Variants in KCTD16 observed in about 807,000 individuals in gnomAD.
KCTD16 encodes the protein BTB/POZ domain-containing protein KCTD16.
KCTD16 carries 13 observed loss-of-function variants against 33.2 expected under a neutral mutation model. The ratio of observed to expected loss-of-function variants is 0.39; its 90% confidence interval spans 0.25 to 0.62. The LOEUF is 0.62. KCTD16 is among the 20% of genes least tolerant of loss of function. The pLI is 0.50. For synonymous variants in KCTD16, 197 were observed against 195.3 expected (o/e 1.01, Z -0.07); for missense variants, 441 against 525.1 (o/e 0.84, Z 1.57).
rs758121100 is a variant in KCTD16 at position 144,475,965 on chromosome 5, A to C, written c.*1851A>C. 1 of 152,188 alleles carries C rather than the reference A, an allele frequency of 6.6e-6. No homozygotes were observed. The highest frequency in any genetic ancestry group is 1.9e-4 in the East Asian group (1 of 5,200). 9.4% of individuals were successfully genotyped at this position (152,188 alleles called of 1,614,324 possible). On this transcript the variant is annotated 3_prime_UTR_variant, in exon 4 of 4. Coordinates refer to ENST00000512467, the MANE Select transcript of KCTD16 (RefSeq NM_020768.4). The stretch of plus-strand genomic sequence containing the variant: ...AGTGAAAAAGAAAGTTTATCTTGGG[A>C]GTTGAGTTGTCAAGAGAATTATAAT...
intron 3 of KCTD16, among the ~76,000 whole-genome samples, chr5:144,240,307 C>T (rs943961694): frequency 5.3e-5 from 8 of 152,104 alleles, no homozygotes; most frequent in Admixed American, 2.6e-4. Context: ...TCTTTAAATT[C>T]GAATTGTGCT....
At chr5:144,270,678 TAAC>T (rs1755268944) in intron 3 of KCTD16, among the ~76,000 whole-genome samples, 1 of 147,174 alleles carries the variant, frequency 6.8e-6, no homozygotes. Context: ...CTAAAGGAAA[TAAC>T]AAAGTTAGAG....
intron 2 of KCTD16, among the ~76,000 whole-genome samples, chr5:144,198,713 T>C (rs949980413): frequency 7.2e-5 from 11 of 152,250 alleles, no homozygotes; most frequent in African/African-American, 2.7e-4. Context: ...TCATCATCCT[T>C]TGAAAGGTGT....
chr5:144,189,045 G>T (rs188522471), intron 2 of KCTD16, among the ~76,000 whole-genome samples: 2 of 152,250 alleles, frequency 1.3e-5, no homozygotes, highest in African/African-American at 4.8e-5. Context: ...AAATAACAAT[G>T]ATATCAAAGG....
intron 2 of KCTD16, among the ~76,000 whole-genome samples, chr5:144,187,438 A>G (rs1478358329): frequency 6.6e-6 from 1 of 152,106 alleles, no homozygotes; most frequent in Non-Finnish European, 1.5e-5. Flanking sequence ...ACACACACAC[A>G]CACACACATA....
chr5:144,479,900 G>A lies in KCTD16; in HGVS notation c.*5786G>A, dbSNP rs1216080281. The A allele has an allele frequency of 2.6e-5, 4 of 151,920 alleles. No individual in the cohort carries two copies. Among genetic ancestry groups the A allele is most frequent in the African/African-American group, 9.7e-5 (4 of 41,400 alleles). 9.4% of individuals were successfully genotyped at this position (151,920 alleles called of 1,614,324 possible). A position where few individuals can be genotyped will look rare whatever the true frequency, so the allele number is the denominator to read the frequency against. ...GGAGGAGGGTGGGGGTAATCTTCCTGTTAATCAGCTTTGTAAAACACTTAT... is the reference window on the plus strand; with the variant it reads ...GGAGGAGGGTGGGGGTAATCTTCCTATTAATCAGCTTTGTAAAACACTTAT... On this transcript the variant is annotated 3_prime_UTR_variant, in exon 4 of 4. Transcript: ENST00000512467.
intron 3 of KCTD16, among the ~76,000 whole-genome samples, chr5:144,335,061 T>C (rs1752451733): frequency 6.6e-6 from 1 of 152,112 alleles, no homozygotes; most frequent in Admixed American, 6.6e-5. Context: ...ATTACAGAAA[T>C]GAGCCACTAG....
rs1270853526 is a variant in KCTD16 at position 144,206,753 on chromosome 5, A to C, written c.39A>C (p.Arg13=). ...GAAACTGTAGTCGTTATTATCCTCG[A>C]GAACAAGGGTCCGCAGTTCCCAACT... ...LSGNCSRYYP[R]EQGSAVPNSF... Residue 13 remains arginine, a synonymous_variant, in exon 3 of 4, where the codon CGA becomes CGC. Coordinates refer to ENST00000512467, the MANE Select transcript of KCTD16 (RefSeq NM_020768.4). 6.2e-7 allele frequency: 1 copy of C among 1,614,034 alleles called. No individual in the cohort carries two copies. Among genetic ancestry groups the C allele is most frequent in the Non-Finnish European group, 8.5e-7 (1 of 1,179,970 alleles).
At chr5:144,440,234 C>T (rs549643831) in intron 3 of KCTD16, among the ~76,000 whole-genome samples, 17 of 152,278 alleles carry the variant, frequency 1.1e-4, no homozygotes, top group Non-Finnish European at 1.9e-4. Flanking sequence ...CTGTTGAAAA[C>T]ACAGGCTGTT....
In KCTD16 at chr5:144,330,771, G is replaced by A. The variant is rs1398185335; in HGVS notation, c.832+123225G>A. ...AAGGTAATTGAAGCTCACATCCAAG[G>A]TAGGCTGTTAAATGGCAGACTTGAA... On this transcript the variant is annotated intron_variant, in intron 3 of 3. Transcript: ENST00000512467. 3.9e-5 allele frequency among the ~76,000 whole-genome samples: 6 copies of A among 152,252 alleles called. No homozygotes were observed. In the South Asian group the frequency reaches 6.2e-4, roughly 16 times the overall value.
chr5:144,250,005 AT>A (rs1243657662), intron 3 of KCTD16, among the ~76,000 whole-genome samples: 2 of 152,236 alleles, frequency 1.3e-5, no homozygotes, highest in Admixed American at 1.3e-4. Flanking sequence ...GCCAAATCAG[AT>A]TTATTAATAT....
intron 3 of KCTD16, among the ~76,000 whole-genome samples, chr5:144,338,089 G>A (rs971843799): frequency 6.6e-6 from 1 of 152,152 alleles, no homozygotes; most frequent in African/African-American, 2.4e-5. Flanking sequence ...AGATGAGAAA[G>A]TAAGCTCGGA....
intron 3 of KCTD16, among the ~76,000 whole-genome samples, chr5:144,241,690 G>A (rs1754408866): frequency 6.6e-6 from 1 of 152,106 alleles, no homozygotes; most frequent in Admixed American, 6.6e-5. Flanking sequence ...GTAATTCAGG[G>A]CACCATATTT....
At chr5:144,379,133 A>G (rs1670482058) in intron 3 of KCTD16, among the ~76,000 whole-genome samples, 1 of 152,158 alleles carries the variant, frequency 6.6e-6, no homozygotes, top group Non-Finnish European at 1.5e-5. Context: ...TGTTTGAGGC[A>G]GGTATATGCC....
chr5:144,409,036 A>G (rs1752875628), intron 3 of KCTD16, among the ~76,000 whole-genome samples: 1 of 152,180 alleles, frequency 6.6e-6, no homozygotes, highest in Non-Finnish European at 1.5e-5. Context: ...CTTCATGAGG[A>G]CTGAGTCCTT....
intron 1 of KCTD16, among the ~76,000 whole-genome samples, chr5:144,173,070 G>A (rs2126768382): frequency 6.6e-6 from 1 of 152,310 alleles, no homozygotes; most frequent in East Asian, 1.9e-4. Context: ...GGACAGTGTG[G>A]CGAATCCTCA....
intron 2 of KCTD16, among the ~76,000 whole-genome samples, chr5:144,191,528 C>T (rs1052824857): frequency 1.3e-5 from 2 of 152,184 alleles, no homozygotes; most frequent in Admixed American, 6.5e-5. Context: ...CTAGGTTCCA[C>T]CTGTCCTTCA....
At chr5:144,340,994 G>A (rs904716257) in intron 3 of KCTD16, among the ~76,000 whole-genome samples, 2 of 151,924 alleles carry the variant, frequency 1.3e-5, no homozygotes, top group African/African-American at 2.4e-5. Flanking sequence ...GCAGTGAGCC[G>A]AGATTGTGGC....
chr5:144,275,487 T>A (rs542022226), intron 3 of KCTD16, among the ~76,000 whole-genome samples: 2 of 152,280 alleles, frequency 1.3e-5, no homozygotes, highest in East Asian at 3.9e-4. Flanking sequence ...TTTGGAGATT[T>A]CTCCCCTTTC....
Sources: gnomAD v4.1 joint callset for allele counts (sites outside exome capture counted in the v4.1 genomes callset) on GRCh38, gnomAD v4.1.1 for gene constraint, MANE v1.5 for transcripts, NCBI Gene and HGNC (gene_info 2026-07-23, HGNC 2026-07-21) for gene names.